CTXND1: variants seen among roughly 807,000 people sequenced by gnomAD.
The protein encoded by CTXND1 is cortexin domain-containing 1 protein.
At position 80,221,049 on chromosome 15, in the gene CTXND1, C is replaced by T. The variant is rs150400888; in HGVS notation, c.-217-17309G>A. ...TCAGCCTCCCGAGTAGCTGGGACTA[C>T]AGGCACCCGCCACCACGCTCGACTA... is the stretch of plus-strand genomic sequence containing the variant. On this transcript the variant is annotated intron_variant, in intron 1 of 2. Transcript: ENST00000560778. Among the ~76,000 whole-genome samples, 539 of 151,956 alleles carry T rather than the reference C, an allele frequency of 3.5e-3. 3 individuals carry two copies. Among genetic ancestry groups the T allele is most frequent in the African/African-American group, 0.013 (526 of 41,470 alleles).
intron 1 of CTXND1, among the ~76,000 whole-genome samples, chr15:80,233,156 G>T (rs546604496): frequency 3.3e-5 from 5 of 151,974 alleles, no homozygotes; most frequent in Admixed American, 3.3e-4. Context: ...GGCCAGGCTG[G>T]TCTTCAACTC....
intron 1 of CTXND1, among the ~76,000 whole-genome samples, chr15:80,214,617 G>A (rs1490859418): frequency 1.3e-5 from 2 of 152,104 alleles, no homozygotes; most frequent in Non-Finnish European, 2.9e-5. Flanking sequence ...TAAAACTTAT[G>A]GGGTGAGGTG....
intron 1 of CTXND1, among the ~76,000 whole-genome samples, chr15:80,221,454 G>T (rs1052646258): frequency 6.6e-6 from 1 of 152,096 alleles, no homozygotes; most frequent in Admixed American, 6.5e-5. Context: ...ATGGTGGCAC[G>T]TGCCTTAAAT....
intron 1 of CTXND1, among the ~76,000 whole-genome samples, chr15:80,244,050 A>T (rs187508585): frequency 6.6e-6 from 1 of 152,340 alleles, no homozygotes; most frequent in East Asian, 1.9e-4. Flanking sequence ...CATCTCCTGC[A>T]TCTCTGCATC....
chr15:80,204,169 A>AATATATATATAT (rs1282033532), intron 1 of CTXND1, among the ~76,000 whole-genome samples: 2 of 65,196 alleles, frequency 3.1e-5, no homozygotes, highest in African/African-American at 1.5e-4. Flanking sequence ...AAAAAAAAAA[A>AATATATATATAT]ATATATATAT....
At chr15:80,228,263 C>A (rs1311962487) in intron 1 of CTXND1, among the ~76,000 whole-genome samples, 1 of 152,224 alleles carries the variant, frequency 6.6e-6, no homozygotes, top group Admixed American at 6.5e-5. Context: ...GAATTAATTT[C>A]TTCCAAACTC....
chr15:80,251,976 G>A (rs1893702063), intron 1 of CTXND1, 31 bp downstream of exon 1: 1 of 151,930 alleles, frequency 6.6e-6, no homozygotes, highest in Admixed American at 6.6e-5. Context: ...CGCCGCGGCA[G>A]CGGGTCCCGG....
intron 1 of CTXND1, among the ~76,000 whole-genome samples, chr15:80,239,380 G>A (rs977817373): frequency 6.6e-6 from 1 of 152,224 alleles, no homozygotes; most frequent in African/African-American, 2.4e-5. Flanking sequence ...AGGTGTGTCT[G>A]TAAGGGTGTT....
chr15:80,214,543 A>G (rs1301922963), intron 1 of CTXND1, among the ~76,000 whole-genome samples: 1 of 152,194 alleles, frequency 6.6e-6, no homozygotes, highest in East Asian at 1.9e-4. Context: ...TATTGAGTCA[A>G]TGAGAAAATT....
chr15:80,250,239 C>T (rs761127594), intron 1 of CTXND1, among the ~76,000 whole-genome samples: 1 of 152,042 alleles, frequency 6.6e-6, no homozygotes, highest in Non-Finnish European at 1.5e-5. Flanking sequence ...CTGCCTCTTT[C>T]ATTAACCCTG....
intron 1 of CTXND1, among the ~76,000 whole-genome samples, chr15:80,243,022 C>G (rs1174222988): frequency 6.6e-6 from 1 of 152,214 alleles, no homozygotes; most frequent in Admixed American, 6.5e-5. Flanking sequence ...GATCTGTGAC[C>G]ACATGAGCTG....
rs1436471712 is a variant in CTXND1, at chr15:80,198,941, G to C, written c.*2829C>G. On this transcript the variant is annotated 3_prime_UTR_variant, in exon 3 of 3. Coordinates refer to ENST00000560778, the MANE Select transcript of CTXND1 (RefSeq NM_001352888.2). ...ACTTGTGATGTAATGTTAGGAGAAA[G>C]AGTATGATATAAAATTATGTAGCAG... 6.6e-6 allele frequency: 1 copy of C among 152,178 alleles called. No individual in the cohort carries two copies. Among genetic ancestry groups the C allele is most frequent in the African/African-American group, 2.4e-5 (1 of 41,424 alleles). 9.4% of individuals were successfully genotyped at this position (152,178 alleles called of 1,614,324 possible).
At chr15:80,224,941 G>A (rs190351634) in intron 1 of CTXND1, among the ~76,000 whole-genome samples, 145 of 152,292 alleles carry the variant, frequency 9.5e-4, no homozygotes, top group African/African-American at 3.4e-3. Context: ...ACCAGGTTTC[G>A]CCATGTTGGC....
intron 1 of CTXND1, among the ~76,000 whole-genome samples, chr15:80,233,329 A>G (rs1172595755): frequency 6.6e-6 from 1 of 152,208 alleles, no homozygotes; most frequent in African/African-American, 2.4e-5. Flanking sequence ...GGAAGAGTAA[A>G]TGAGAATATA....
chr15:80,249,316 G>A (rs1360821363), intron 1 of CTXND1, among the ~76,000 whole-genome samples: 1 of 152,088 alleles, frequency 6.6e-6, no homozygotes, highest in East Asian at 1.9e-4. Flanking sequence ...CTAAGGACAG[G>A]GATAGAATGC....
In CTXND1 at chr15:80,195,853, G is replaced by C. The variant is rs1398134372; in HGVS notation, c.*5917C>G. ...TAACCAAGAAACCTTAGGTTTTGTG[G>C]GTTTGGAAATCTCTAGTGACCAAGA... On this transcript the variant is annotated 3_prime_UTR_variant, in exon 3 of 3. Transcript: ENST00000560778. 1 of 152,160 alleles carries C rather than the reference G, an allele frequency of 6.6e-6. No individual in the cohort carries two copies. The highest frequency in any genetic ancestry group is 1.5e-5 in the Non-Finnish European group (1 of 68,034). 9.4% of individuals were successfully genotyped at this position (152,160 alleles called of 1,614,324 possible).
chr15:80,241,240 A>T (rs74947681), intron 1 of CTXND1, among the ~76,000 whole-genome samples: 3 of 152,328 alleles, frequency 2.0e-5, no homozygotes, highest in African/African-American at 7.2e-5. Flanking sequence ...CAGGGTCAGG[A>T]TTCAGGAGCT....
intron 1 of CTXND1, among the ~76,000 whole-genome samples, chr15:80,247,061 T>G (rs906351572): frequency 6.6e-6 from 1 of 152,176 alleles, no homozygotes; most frequent in African/African-American, 2.4e-5. Flanking sequence ...ATGAGAAAAT[T>G]GAGGCTCAAA....
intron 1 of CTXND1, among the ~76,000 whole-genome samples, chr15:80,248,580 A>C (rs1488050555): frequency 6.6e-6 from 1 of 152,234 alleles, no homozygotes; most frequent in Non-Finnish European, 1.5e-5. Context: ...TCCATGGGAA[A>C]GAATATCATA....
Sources: allele counts gnomAD v4.1 joint callset (sites outside exome capture counted in the v4.1 genomes callset), GRCh38; gene constraint gnomAD v4.1.1; transcripts MANE v1.5; gene names NCBI Gene and HGNC (gene_info 2026-07-23, HGNC 2026-07-21).